ARFGEF3: variants seen among roughly 807,000 people sequenced by gnomAD.
ARFGEF3 encodes the protein brefeldin A-inhibited guanine nucleotide-exchange protein 3.
ARFGEF3 carries 96 observed loss-of-function variants against 221.7 expected under a neutral mutation model. The observed-to-expected ratio is 0.43, with a 90% CI of 0.37 to 0.51. ARFGEF3 has a LOEUF of 0.51. Ranked by LOEUF, ARFGEF3 falls within the 20% of genes least tolerant of loss-of-function variation. The pLI is 0.00. For missense variants in ARFGEF3, 2,410 were observed against 2,789.9 expected, an observed-to-expected ratio of 0.86 and a Z score of 3.07; for synonymous variants, 1,145 against 1,126.8, an observed-to-expected ratio of 1.02 and a Z score of -0.32.
In ARFGEF3 at chr6:138,161,948, C is replaced by G. The variant is rs1707872718; in HGVS notation, c.-139C>G. ...GCGGCATGGAGCGGGCGTGATTCATCAGCATCCGCGCCGGGGCGGCATGGG... is the reference window on the plus strand; with the variant it reads ...GCGGCATGGAGCGGGCGTGATTCATGAGCATCCGCGCCGGGGCGGCATGGG... On this transcript the variant is annotated 5_prime_UTR_variant, in exon 1 of 34. In the 5' UTR this introduces an upstream ATG that the reference lacks. Transcript: ENST00000251691. 2 of 260,214 alleles carry G rather than the reference C, an allele frequency of 7.7e-6. No individual in the cohort carries two copies. The allele number at this position is 260,214 out of a possible 1,614,324, so 16.1% of individuals were successfully genotyped here.
rs1457767611 is a variant in ARFGEF3 at position 138,291,800 on chromosome 6, A to G, written c.3115A>G (p.Thr1039Ala). ...CGATGGTGCCTCGCAGCCCCCTCTG[A>G]CCATCAGCCAGCCCCAGAAGGCCAC... is the stretch of plus-strand genomic sequence containing the variant. ...FSDGASQPPL[T>A]ISQPQKATGS... Residue 1039 changes from threonine to alanine, a missense_variant, in exon 19 of 34, where the codon ACC (threonine) becomes GCC (alanine). Thr to Ala is a moderately conservative substitution (Grantham distance 58). Transcript: ENST00000251691. The surrounding 1 kb of genome is among the most constrained non-coding windows in gnomAD (Gnocchi z 4.5). The G allele has an allele frequency of 2.0e-6, 3 of 1,479,370 alleles. No individual in the cohort carries two copies. 91.6% of individuals were successfully genotyped at this position (1,479,370 alleles called of 1,614,324 possible).
intron 4 of ARFGEF3, chr6:138,218,184 T>C: frequency 6.2e-7 from 1 of 1,614,000 alleles, no homozygotes; most frequent in Non-Finnish European, 8.5e-7. Context: ...TTCTATGGAA[T>C]AATCAATGAA....
At chr6:138,243,236 C>A (rs77890152) in intron 7 of ARFGEF3, among the ~76,000 whole-genome samples, 10 of 152,288 alleles carry the variant, frequency 6.6e-5, no homozygotes, top group Admixed American at 6.5e-4. Context: ...GGGAAATTAA[C>A]GCTTCACATA....
intron 20 of ARFGEF3, 128 bp from the exon 21 acceptor site, chr6:138,296,682 C>T: frequency 1.8e-6 from 2 of 1,101,220 alleles, no homozygotes; most frequent in South Asian, 1.5e-5. Context: ...CTCCCTCCTC[C>T]CTTGGTTAGC....
chr6:138,286,236 G>A (rs2114628050), intron 15 of ARFGEF3, among the ~76,000 whole-genome samples, 183 bp downstream of exon 15: 1 of 152,288 alleles, frequency 6.6e-6, no homozygotes, highest in African/African-American at 2.4e-5. Context: ...AGATCACGAG[G>A]TCAGGAGATC....
chr6:138,279,499 A>C (rs1779159915), intron 13 of ARFGEF3, among the ~76,000 whole-genome samples: 1 of 152,226 alleles, frequency 6.6e-6, no homozygotes, highest in Non-Finnish European at 1.5e-5. Context: ...GGTGTGCCCT[A>C]TTATCAGTTC....
chr6:138,262,187 CTTT>C (rs11393341), intron 11 of ARFGEF3, among the ~76,000 whole-genome samples: 2 of 127,886 alleles, frequency 1.6e-5, no homozygotes. Flanking sequence ...ATGCAGACCA[CTTT>C]TTTTTTTTTT....
intron 2 of ARFGEF3, among the ~76,000 whole-genome samples, chr6:138,183,135 GAGA>G (rs1379016515): frequency 1.3e-5 from 2 of 152,258 alleles, no homozygotes; most frequent in East Asian, 3.9e-4. Flanking sequence ...TGGGGGTTGG[GAGA>G]AGGAGAGATC....
intron 4 of ARFGEF3, among the ~76,000 whole-genome samples, chr6:138,229,061 AATG>A (rs1778145014): frequency 6.6e-6 from 1 of 152,260 alleles, no homozygotes; most frequent in African/African-American, 2.4e-5. Flanking sequence ...AGATCTTGCA[AATG>A]TCATTGACCT....
chr6:138,178,141 A>T (rs1416352461), intron 2 of ARFGEF3, among the ~76,000 whole-genome samples: 1 of 152,104 alleles, frequency 6.6e-6, no homozygotes, highest in African/African-American at 2.4e-5. Context: ...TCTCTCGAAG[A>T]TGTGACTATG....
chr6:138,227,241 G>T (rs1442381705), intron 4 of ARFGEF3, among the ~76,000 whole-genome samples: 1 of 151,982 alleles, frequency 6.6e-6, no homozygotes, highest in Non-Finnish European at 1.5e-5. Flanking sequence ...TGAAACACAG[G>T]GAGTCAAGCT....
chr6:138,291,429 C>T lies in ARFGEF3; in HGVS notation c.3048-304C>T, dbSNP rs906916233. ...CAGGAGGGCAGATAAGCCAGTAAGC[C>T]GGATGAGGCAGGGGGACTGGATGAA... On this transcript the variant is annotated intron_variant, in intron 18 of 33. Coordinates refer to ENST00000251691, the MANE Select transcript of ARFGEF3 (RefSeq NM_020340.5). The surrounding 1 kb of genome is among the most constrained non-coding windows in gnomAD (Gnocchi z 4.5). Among the ~76,000 whole-genome samples the T allele has an allele frequency of 3.3e-5, 5 of 152,144 alleles. No homozygotes were observed. The highest frequency in any genetic ancestry group is 4.8e-5 in the African/African-American group (2 of 41,438).
chr6:138,247,378 T>A (rs185735523), intron 8 of ARFGEF3, among the ~76,000 whole-genome samples: 3 of 152,230 alleles, frequency 2.0e-5, no homozygotes, highest in Admixed American at 2.0e-4. Flanking sequence ...GTGTAATAAT[T>A]ATAATTACCC....
chr6:138,202,085 T>C (rs765809627), intron 2 of ARFGEF3, among the ~76,000 whole-genome samples: 9 of 152,196 alleles, frequency 5.9e-5, no homozygotes, highest in Non-Finnish European at 1.2e-4. Flanking sequence ...TAAGAAATAA[T>C]GGCATGTCAG....
intron 2 of ARFGEF3, among the ~76,000 whole-genome samples, chr6:138,192,305 A>G (rs1777319846): frequency 6.6e-6 from 1 of 152,144 alleles, no homozygotes; most frequent in Non-Finnish European, 1.5e-5. Context: ...CCTGGCTAAC[A>G]TGACGAAACA....
At position 138,308,666 on chromosome 6, in the gene ARFGEF3, G is replaced by A. The variant is rs1476099773; in HGVS notation, c.3974-73G>A. 2.6e-6 allele frequency: 4 copies of A among 1,531,614 alleles called. No homozygotes were observed. The African/African-American group carries it at 4.1e-5, about 16-fold the overall frequency. 94.9% of individuals were successfully genotyped at this position (1,531,614 alleles called of 1,614,324 possible). A position where few individuals can be genotyped will look rare whatever the true frequency, so the allele number is the denominator to read the frequency against. On this transcript the variant is annotated intron_variant, in intron 23 of 33. Coordinates refer to ENST00000251691, the MANE Select transcript of ARFGEF3 (RefSeq NM_020340.5). ...GATCTGTCTCAGTGGAACGTGCTGGGAATATGGGCAACCCTGGCAAACCCG... is the reference window on the plus strand; with the variant it reads ...GATCTGTCTCAGTGGAACGTGCTGGAAATATGGGCAACCCTGGCAAACCCG...
At chr6:138,306,969 A>G (rs906778399) in intron 22 of ARFGEF3, among the ~76,000 whole-genome samples, 3 of 150,446 alleles carry the variant, frequency 2.0e-5, no homozygotes, top group African/African-American at 7.5e-5. Flanking sequence ...AAAAAAAAAA[A>G]AAGAAAATAA....
intron 2 of ARFGEF3, among the ~76,000 whole-genome samples, chr6:138,201,824 A>T (rs940628684): frequency 1.1e-4 from 16 of 151,904 alleles, no homozygotes; most frequent in African/African-American, 3.6e-4. Flanking sequence ...TTACGAACAA[A>T]TTTTTTTTTA....
chr6:138,313,710 A>G, intron 25 of ARFGEF3, 85 bp from the exon 26 acceptor site: 1 of 1,061,434 alleles, frequency 9.4e-7, no homozygotes, highest in East Asian at 2.5e-5. Flanking sequence ...TTTTAGTACT[A>G]GTGTATAATT....
Sources: gnomAD v4.1 joint callset for allele counts (sites outside exome capture counted in the v4.1 genomes callset) on GRCh38, gnomAD v4.1.1 for gene constraint, Gnocchi (gnomAD v3.1) non-coding constraint, MANE v1.5 for transcripts, NCBI Gene and HGNC (gene_info 2026-07-23, HGNC 2026-07-21) for gene names.